Variants in ZNF385D observed in about 807,000 individuals in gnomAD.
ZNF385D encodes zinc finger protein 385D.
A neutral mutation model predicts 35.8 loss-of-function variants in ZNF385D; 15 were observed. The ratio of observed to expected loss-of-function variants is 0.42; its 90% CI spans 0.28 to 0.64. The LOEUF is 0.64. Among genes scored for constraint, ZNF385D ranks in the 30% least tolerant of loss-of-function variants. The probability of loss-of-function intolerance (pLI) is 0.23; values close to 1 mark genes in which losing one functional copy is unlikely to be tolerated. For synonymous variants in ZNF385D, 212 were observed against 186.8 expected (o/e 1.13, Z -1.10); for missense variants, 474 against 494.6 (o/e 0.96, Z 0.39).
At chr3:22,006,931 G>C (rs928308354) in intron 3 of ZNF385D, among the ~76,000 whole-genome samples, 4 of 151,882 alleles carry the variant, frequency 2.6e-5, no homozygotes, top group African/African-American at 9.7e-5. Flanking sequence ...GAAGTCCTGA[G>C]TTTGTGAGGA....
chr3:21,556,248 T>C (rs987143568), intron 3 of ZNF385D, among the ~76,000 whole-genome samples: 1 of 152,150 alleles, frequency 6.6e-6, no homozygotes, highest in Non-Finnish European at 1.5e-5. Flanking sequence ...TTGTCTATTT[T>C]GGCTTTTGTT....
intron 2 of ZNF385D, among the ~76,000 whole-genome samples, chr3:22,211,368 C>A (rs1324405802): frequency 1.3e-5 from 2 of 151,902 alleles, no homozygotes; most frequent in Admixed American, 6.6e-5. Context: ...TTCAAAAAAT[C>A]TAGTTCCCTG....
At chr3:22,134,267 A>C (rs952197800) in intron 3 of ZNF385D, 1 of 152,162 alleles carries the variant, frequency 6.6e-6, no homozygotes, top group Non-Finnish European at 1.5e-5. Flanking sequence ...TGTTATATTA[A>C]TATTAAACAA....
chr3:21,745,486 A>T (rs891971224), intron 1 of ZNF385D, among the ~76,000 whole-genome samples: 1 of 152,222 alleles, frequency 6.6e-6, no homozygotes, highest in African/African-American at 2.4e-5. Flanking sequence ...GCTGCGACAG[A>T]GCAAAGCATC....
chr3:22,012,389 T>C (rs1288520303), intron 3 of ZNF385D, among the ~76,000 whole-genome samples: 8 of 152,148 alleles, frequency 5.3e-5, no homozygotes, highest in Admixed American at 4.6e-4. Flanking sequence ...TGTGTTTTAG[T>C]GCTAAAAAAT....
chr3:22,021,126 T>C (rs983646162), intron 3 of ZNF385D, among the ~76,000 whole-genome samples: 1 of 151,800 alleles, frequency 6.6e-6, no homozygotes, highest in African/African-American at 2.4e-5. Context: ...GGGATGGGGT[T>C]AGATGAGAAA....
chr3:22,212,703 G>A (rs1056854123), intron 2 of ZNF385D, among the ~76,000 whole-genome samples: 3 of 151,984 alleles, frequency 2.0e-5, no homozygotes, highest in Non-Finnish European at 2.9e-5. Context: ...TCATCTTAGG[G>A]TTAGGTAAAG....
intron 2 of ZNF385D, among the ~76,000 whole-genome samples, chr3:22,212,661 T>A (rs1697599912): frequency 6.6e-6 from 1 of 151,956 alleles, no homozygotes; most frequent in Non-Finnish European, 1.5e-5. Flanking sequence ...TAAAGATGAT[T>A]TAGGTGGGAA....
chr3:22,041,767 T>A (rs1698677581), intron 3 of ZNF385D, among the ~76,000 whole-genome samples: 1 of 152,134 alleles, frequency 6.6e-6, no homozygotes, highest in Non-Finnish European at 1.5e-5. Flanking sequence ...AGCTGGTGTC[T>A]ATTCAATTGA....
intron 3 of ZNF385D, among the ~76,000 whole-genome samples, chr3:22,126,525 T>C (rs1302440360): frequency 6.6e-6 from 1 of 152,064 alleles, no homozygotes; most frequent in East Asian, 1.9e-4. Context: ...CTAGTTTTAT[T>C]CCATTGTGGT....
At chr3:22,236,669 A>G (rs1699201062) in intron 2 of ZNF385D, among the ~76,000 whole-genome samples, 2 of 152,178 alleles carry the variant, frequency 1.3e-5, no homozygotes. Flanking sequence ...GAACATTTTC[A>G]TCACTACAAA....
intron 3 of ZNF385D, among the ~76,000 whole-genome samples, chr3:21,873,237 C>A (rs551384162): frequency 6.6e-6 from 1 of 152,010 alleles, no homozygotes; most frequent in African/African-American, 2.4e-5. Context: ...ATACAATGTA[C>A]TATTAAGTGG....
chr3:21,720,610 G>C (rs1386545598), intron 1 of ZNF385D, among the ~76,000 whole-genome samples: 2 of 152,194 alleles, frequency 1.3e-5, no homozygotes, highest in African/African-American at 2.4e-5. Flanking sequence ...GAAGCCAAAA[G>C]CTCTGGGAGT....
At chr3:21,759,906 G>C (rs919514959) in intron 3 of ZNF385D, among the ~76,000 whole-genome samples, 9 of 152,132 alleles carry the variant, frequency 5.9e-5, no homozygotes, top group South Asian at 2.1e-4. Flanking sequence ...TGAGCAGAGA[G>C]ACAGTGCAAC....
chr3:21,891,042 A>G (rs543742425), intron 3 of ZNF385D, among the ~76,000 whole-genome samples: 1 of 152,334 alleles, frequency 6.6e-6, no homozygotes, highest in South Asian at 2.1e-4. Context: ...ACCTTTGACA[A>G]TAGTTGTACA....
intron 2 of ZNF385D, among the ~76,000 whole-genome samples, chr3:21,595,900 T>C (rs899305773): frequency 6.6e-6 from 1 of 152,228 alleles, no homozygotes; most frequent in Non-Finnish European, 1.5e-5. Flanking sequence ...CTATATCATA[T>C]GTCAGGCTCC....
At chr3:22,099,200 C>T (rs755093181) in intron 3 of ZNF385D, among the ~76,000 whole-genome samples, 2 of 152,042 alleles carry the variant, frequency 1.3e-5, no homozygotes, top group Non-Finnish European at 2.9e-5. Flanking sequence ...TTAAGTGAAG[C>T]ATCAAACCAC....
chr3:22,277,164 A>C (rs1479301473), intron 2 of ZNF385D, among the ~76,000 whole-genome samples: 1 of 152,154 alleles, frequency 6.6e-6, no homozygotes, highest in African/African-American at 2.4e-5. Context: ...TAAAAAATGA[A>C]ATAGAGATTT....
intron 3 of ZNF385D, among the ~76,000 whole-genome samples, chr3:21,826,667 G>T (rs1323794315): frequency 6.6e-6 from 1 of 152,042 alleles, no homozygotes; most frequent in African/African-American, 2.4e-5. Context: ...TAAGGGTGGT[G>T]GGGGATACAT....
Sources: allele counts gnomAD v4.1 joint callset (sites outside exome capture counted in the v4.1 genomes callset), GRCh38; gene constraint gnomAD v4.1.1; transcripts MANE v1.5; gene names NCBI Gene and HGNC (gene_info 2026-07-23, HGNC 2026-07-21).